DAB1: variants seen among roughly 807,000 people sequenced by gnomAD.
DAB1 encodes the protein DAB adaptor protein 1, also known as disabled homolog 1.
In DAB1, 15 loss-of-function variants were observed where a neutral mutation model predicts 64.6. That is an observed-to-expected ratio of 0.23 (90% CI 0.16 to 0.36). DAB1 has a LOEUF of 0.36. DAB1 is among the 10% of genes least tolerant of loss of function. The probability of loss-of-function intolerance (pLI) is 1.00; values close to 1 mark genes in which losing one functional copy is unlikely to be tolerated. For synonymous variants in DAB1, 235 were observed against 251.9 expected (o/e 0.93, Z 0.64); for missense variants, 596 against 706.7 (o/e 0.84, Z 1.78).
intron 4 of DAB1, among the ~76,000 whole-genome samples, chr1:58,320,276 G>A (rs1009941438): frequency 1.3e-5 from 2 of 152,212 alleles, no homozygotes; most frequent in Non-Finnish European, 2.9e-5. Flanking sequence ...TGAAAGCCAA[G>A]TAAGTTCTGA....
In DAB1 at chr1:57,856,823, G is replaced by C. The variant is rs188664049; in HGVS notation, n.87+27176C>G. Among the ~76,000 whole-genome samples the C allele has an allele frequency of 1.8e-4, 28 of 152,214 alleles. 1 individual carries two copies. The highest frequency in any genetic ancestry group is 1.8e-3 in the Admixed American group (28 of 15,290). Reference sequence around the variant, plus strand: ...AGTAATGATTATACCTCTAACAGAAGGGTCTCAATGGGGATGTGTTCAACA... The same window carrying C: ...AGTAATGATTATACCTCTAACAGAACGGTCTCAATGGGGATGTGTTCAACA... On this transcript the variant is annotated intron_variant and non_coding_transcript_variant, in intron 1 of 1. Transcript: ENST00000477280.
intron 1 of DAB1, among the ~76,000 whole-genome samples, chr1:57,380,418 AT>A (rs377757509): frequency 1.4e-3 from 215 of 152,336 alleles, no homozygotes; most frequent in African/African-American, 4.9e-3. Context: ...ATATTGGTCA[AT>A]CAGATACTAC....
At chr1:57,578,615 C>T (rs556389923) in intron 7 of DAB1, among the ~76,000 whole-genome samples, 1 of 152,234 alleles carries the variant, frequency 6.6e-6, no homozygotes, top group Middle Eastern at 3.2e-3. Context: ...TTCACTGACA[C>T]TTTGCAGGTG....
chr1:58,050,406 G>A (rs1181915167), intron 5 of DAB1, among the ~76,000 whole-genome samples: 1 of 152,140 alleles, frequency 6.6e-6, no homozygotes, highest in Non-Finnish European at 1.5e-5. Flanking sequence ...CAGAAATAAA[G>A]GTGAAATATG....
At chr1:57,252,875 T>A (rs956865623) in intron 2 of DAB1, among the ~76,000 whole-genome samples, 12 of 152,174 alleles carry the variant, frequency 7.9e-5, no homozygotes, top group South Asian at 4.2e-4. Context: ...ACCTGAAAGA[T>A]TACAAAGCAG....
chr1:57,573,032 T>C (rs1645210850), intron 7 of DAB1, among the ~76,000 whole-genome samples: 1 of 152,178 alleles, frequency 6.6e-6, no homozygotes, highest in South Asian at 2.1e-4. Flanking sequence ...AACAAGAGAT[T>C]TGGGCAGGGA....
intron 4 of DAB1, among the ~76,000 whole-genome samples, chr1:58,308,472 C>T (rs144765383): frequency 3.2e-4 from 48 of 151,930 alleles, no homozygotes; most frequent in Non-Finnish European, 5.1e-4. Context: ...ATTTGTTCTC[C>T]GACATTCTCC....
At chr1:57,214,269 T>A (rs1204938729) in intron 2 of DAB1, among the ~76,000 whole-genome samples, 1 of 152,180 alleles carries the variant, frequency 6.6e-6, no homozygotes, top group Non-Finnish European at 1.5e-5. Context: ...TTCTCTTTAA[T>A]GAAGGAGAAG....
intron 5 of DAB1, chr1:58,056,533 G>A: frequency 1.0e-6 from 1 of 969,508 alleles, no homozygotes; most frequent in South Asian, 1.3e-5. Context: ...GTTGGGTTAT[G>A]TCACCTTGCT....
intron 5 of DAB1, among the ~76,000 whole-genome samples, chr1:58,006,874 G>A (rs1797115): frequency 0.4 from 60,459 of 152,046 alleles, 12,411 homozygotes; most frequent in East Asian, 0.63. Flanking sequence ...TTATGCAAAT[G>A]CTACACAAAT....
chr1:58,285,537 G>A (rs569887762), intron 4 of DAB1, among the ~76,000 whole-genome samples: 1 of 152,026 alleles, frequency 6.6e-6, no homozygotes, highest in African/African-American at 2.4e-5. Flanking sequence ...GGCAAGCAGA[G>A]AGCCAAATCA....
At chr1:57,287,502 GAAGT>G (rs1441901848) in intron 2 of DAB1, among the ~76,000 whole-genome samples, 10 of 152,176 alleles carry the variant, frequency 6.6e-5, no homozygotes, top group African/African-American at 2.2e-4. Context: ...GAGAGAAAAA[GAAGT>G]AAGTACTTAA....
At chr1:57,933,282 A>T (rs930320801) in intron 5 of DAB1, among the ~76,000 whole-genome samples, 13 of 152,228 alleles carry the variant, frequency 8.5e-5, no homozygotes, top group Non-Finnish European at 1.5e-4. Flanking sequence ...CTGTGTTTCC[A>T]ATCTGAGGGG....
intron 1 of DAB1, among the ~76,000 whole-genome samples, chr1:57,295,717 T>C: frequency 6.6e-6 from 1 of 151,838 alleles, no homozygotes; most frequent in Non-Finnish European, 1.5e-5. Context: ...GAGAACTGGG[T>C]GGTGATGTGA....
intron 6 of DAB1, among the ~76,000 whole-genome samples, chr1:57,695,380 G>GAAAAGA (rs879274770): frequency 2.9e-5 from 2 of 70,092 alleles, no homozygotes; most frequent in Admixed American, 3.1e-4. Flanking sequence ...AAGAAAGAAA[G>GAAAAGA]AAAGAAAGAA....
chr1:57,889,975 G>C (rs929138687), intron 5 of DAB1, among the ~76,000 whole-genome samples: 1 of 151,818 alleles, frequency 6.6e-6, no homozygotes, highest in Non-Finnish European at 1.5e-5. Context: ...AGAGCTGTGG[G>C]CTTTCTTCTC....
At chr1:57,551,111 C>A (rs1644909235) in intron 7 of DAB1, among the ~76,000 whole-genome samples, 1 of 152,192 alleles carries the variant, frequency 6.6e-6, no homozygotes. Flanking sequence ...CTCTTTCCAT[C>A]TGCACTAACA....
chr1:58,047,153 T>A (rs551426462), intron 5 of DAB1, among the ~76,000 whole-genome samples: 1 of 151,128 alleles, frequency 6.6e-6, no homozygotes, highest in Admixed American at 6.6e-5. Flanking sequence ...TGTCAAGCAG[T>A]TTCACCCAAA....
chr1:57,513,930 T>G (rs1392136840), intron 7 of DAB1, among the ~76,000 whole-genome samples: 1 of 152,214 alleles, frequency 6.6e-6, no homozygotes, highest in Non-Finnish European at 1.5e-5. Context: ...GTTCCACATG[T>G]AAGTGAGATC....
Sources: allele counts gnomAD v4.1 joint callset (sites outside exome capture counted in the v4.1 genomes callset), GRCh38; gene constraint gnomAD v4.1.1; transcripts MANE v1.5; gene names NCBI Gene and HGNC (gene_info 2026-07-23, HGNC 2026-07-21).